The following CHMP7 variants were observed in gnomAD, a reference collection of about 807,000 sequenced individuals.
CHMP7 encodes the protein charged multivesicular body protein 7.
A neutral mutation model predicts 53.7 loss-of-function variants in CHMP7; 15 were observed. The ratio of observed to expected loss-of-function variants is 0.28; its 90% CI spans 0.19 to 0.43. The LOEUF (loss-of-function observed/expected upper bound fraction) is 0.43, where lower values mean the gene tolerates loss of function less well. CHMP7 is among the 20% of genes least tolerant of loss of function. The probability of loss-of-function intolerance (pLI) is 1.00; values close to 1 mark genes in which losing one functional copy is unlikely to be tolerated. For synonymous variants in CHMP7, 261 were observed against 228.0 expected, an observed-to-expected ratio of 1.14 and a Z score of -1.30; for missense variants, 527 against 569.4, an observed-to-expected ratio of 0.93 and a Z score of 0.76.
chr8:23,250,852 ACT>A (rs1801900179), intron 3 of CHMP7, among the ~76,000 whole-genome samples: 1 of 151,784 alleles, frequency 6.6e-6, no homozygotes, highest in East Asian at 1.9e-4. Flanking sequence ...ACTCCAGCCC[ACT>A]CTGCCTCAGA....
chr8:23,261,551 A>T lies in CHMP7; in HGVS notation c.*952A>T, dbSNP rs969583751. The stretch of plus-strand genomic sequence containing the variant: ...CATTTTGTGGCCTACTGCTCGGGGC[A>T]GGGGGGCTGAGCCAGGATGTGCAAT... On this transcript the variant is annotated 3_prime_UTR_variant, in exon 11 of 11. Transcript: ENST00000397677. The T allele has an allele frequency of 3.3e-5, 5 of 152,804 alleles. No individual in the cohort carries two copies. Among genetic ancestry groups the T allele is most frequent in the Admixed American group, 1.3e-4 (2 of 15,276 alleles). The allele number at this position is 152,804 out of a possible 1,614,324, so 9.5% of individuals were successfully genotyped here. A position where few individuals can be genotyped will look rare whatever the true frequency, so the allele number is the denominator to read the frequency against.
chr8:23,248,953 C>T (rs994319777), intron 2 of CHMP7, among the ~76,000 whole-genome samples: 3 of 152,190 alleles, frequency 2.0e-5, no homozygotes, highest in African/African-American at 7.2e-5. Context: ...TAAATTTGGC[C>T]TCTCTGCTTA....
chr8:23,252,226 C>G (rs1414970323), intron 3 of CHMP7: 2 of 81,262 alleles, frequency 2.5e-5, no homozygotes, highest in African/African-American at 3.2e-5. Context: ...GAGTTTGTCA[C>G]CCAGGCTGGA....
At chr8:23,256,789 C>CTTT (rs71210606) in intron 5 of CHMP7, 196 bp downstream of exon 5, 64 of 102,674 alleles carry the variant, frequency 6.2e-4, no homozygotes, top group South Asian at 1.2e-3. Context: ...AATGAGGCCT[C>CTTT]TTTTTTTTTT....
intron 9 of CHMP7, 168 bp from the exon 10 acceptor site, chr8:23,259,976 T>C: frequency 1.7e-6 from 1 of 602,612 alleles, no homozygotes. Flanking sequence ...TGTGGAAGAA[T>C]CATCTCTGCT....
At position 23,255,288 on chromosome 8, in the gene CHMP7, C is replaced by G. The variant is rs750536723; in HGVS notation, c.513C>G (p.Pro171=). Residue 171 remains proline (P), a synonymous_variant, in exon 4 of 11, where the codon CCC becomes CCG. Transcript: ENST00000397677. ...EEVYRLYQNS[P]LSSHPVVALS... The stretch of plus-strand genomic sequence containing the variant: ...TGTATCGTCTGTATCAGAACTCGCC[C>G]CTCTCCTCCCACCCCGTGGTGGCCC... 7 of 1,614,062 alleles carry G rather than the reference C, an allele frequency of 4.3e-6. No individual in the cohort carries two copies. In the African/African-American group the frequency reaches 6.7e-5, roughly 15 times the overall value.
rs1345590448 is a variant in CHMP7 at position 23,246,617 on chromosome 8, C to G, written c.-79C>G. 4.3e-5 allele frequency: 55 copies of G among 1,267,562 alleles called. No individual in the cohort carries two copies. The East Asian group carries it at 1.3e-3, about 31-fold the overall frequency. The allele number at this position is 1,267,562 out of a possible 1,614,324, so 78.5% of individuals were successfully genotyped here. A position where few individuals can be genotyped will look rare whatever the true frequency, so the allele number is the denominator to read the frequency against. ...GAACGAGAAGGAGGTGGTCAAGGAA[C>G]GGAAGCCGGGAGGGAACGAGGGCGG... On this transcript the variant is annotated 5_prime_UTR_variant, in exon 2 of 11. Coordinates refer to ENST00000397677, the MANE Select transcript of CHMP7 (RefSeq NM_152272.5).
At chr8:23,250,620 CTGTG>C (rs59970101) in intron 3 of CHMP7, among the ~76,000 whole-genome samples, 30,481 of 142,784 alleles carry the variant, frequency 0.21, 3,438 homozygotes, top group Admixed American at 0.31. Flanking sequence ...TGATAGGGGC[CTGTG>C]TGTGTGTGTG....
intron 3 of CHMP7, among the ~76,000 whole-genome samples, chr8:23,253,403 C>T (rs1381279530): frequency 6.6e-6 from 1 of 152,194 alleles, no homozygotes; most frequent in Admixed American, 6.5e-5. Context: ...CCTGCCTCAG[C>T]CTCTCAAGTA....
At position 23,246,812 on chromosome 8, in the gene CHMP7, G is replaced by A. The variant is rs1422403667; in HGVS notation, c.117G>A (p.Lys39=). ...TGTCCTTCCTGTTCTCCGCTTTCAA[G>A]AGGAGTCGCGAGGTGAACAGCACCG... The part of the protein sequence containing the change: ...ERMSFLFSAF[K]RSREVNSTDW... The change falls in exon 2 of 11, where the codon AAG becomes AAA. Residue 39 remains lysine, a synonymous_variant. Transcript: ENST00000397677. 4 of 1,595,614 alleles carry A rather than the reference G, an allele frequency of 2.5e-6. No individual in the cohort carries two copies. The highest frequency in any genetic ancestry group is 3.4e-6 in the Non-Finnish European group (4 of 1,171,564).
At chr8:23,249,962 C>G (rs962114193) in intron 3 of CHMP7, among the ~76,000 whole-genome samples, 3 of 152,188 alleles carry the variant, frequency 2.0e-5, no homozygotes, top group Non-Finnish European at 2.9e-5. Flanking sequence ...CAGCAACACC[C>G]TCAGCTCCTT....
chr8:23,255,805 C>T (rs1585312673), intron 4 of CHMP7, among the ~76,000 whole-genome samples: 1 of 141,082 alleles, frequency 7.1e-6, no homozygotes, highest in Non-Finnish European at 1.5e-5. Flanking sequence ...GAGTCTTGCT[C>T]TGTCGCCCAG....
rs1001088708 is a variant in CHMP7, at chr8:23,246,730, C to G, written c.35C>G (p.Ala12Gly). 6 of 1,550,386 alleles carry G rather than the reference C, an allele frequency of 3.9e-6. No individual in the cohort carries two copies. In the African/African-American group the frequency reaches 6.8e-5, roughly 18 times the overall value. The change falls in exon 2 of 11, where the codon GCC (alanine) becomes GGC (glycine). Residue 12 changes from alanine to glycine, a missense_variant. By Grantham distance (60) the Ala-to-Gly change is moderately conservative. Transcript: ENST00000397677. ...CCGGAGCGGGAGGCCGAGGCCCCAG[C>G]CGGGGGAGACCCGGCGGGCCTTCTG... ...WSPEREAEAP[A>G]GGDPAGLLPP...
rs55919917 is a variant in CHMP7 at position 23,249,876 on chromosome 8, C to T, written c.471+495C>T. ...TGGGGCCATGGTCCCGTCCTAGCCT[C>T]CTGGTCAGTCAGCCTCCTCCCGGCC... On this transcript the variant is annotated intron_variant, in intron 3 of 10. Transcript: ENST00000397677. Among the ~76,000 whole-genome samples, 767 of 152,286 alleles carry T rather than the reference C, an allele frequency of 5.0e-3. 4 individuals carry two copies. Among genetic ancestry groups the T allele is most frequent in the Non-Finnish European group, 8.4e-3 (574 of 68,022 alleles).
intron 6 of CHMP7, 115 bp from the exon 7 acceptor site, chr8:23,258,215 T>C: frequency 6.6e-7 from 1 of 1,507,082 alleles, no homozygotes; most frequent in Non-Finnish European, 9.2e-7. Context: ...CCACAGCTTA[T>C]TTTACAGATG....
chr8:23,252,195 CT>C (rs373288680), intron 3 of CHMP7, among the ~76,000 whole-genome samples: 68 of 105,300 alleles, frequency 6.5e-4, no homozygotes, highest in Admixed American at 1.4e-3. Flanking sequence ...ATTGTGTTAT[CT>C]TTTTTTTTTT....
chr8:23,252,209 T>TTTTTTTTTTTTTTTTTA (rs1801959840), intron 3 of CHMP7, among the ~76,000 whole-genome samples: 1 of 148,874 alleles, frequency 6.7e-6, no homozygotes, highest in Non-Finnish European at 1.5e-5. Flanking sequence ...TTTTTTTTTT[T>TTTTTTTTTTTTTTTTTA]GAGATGGAGT....
In CHMP7 at chr8:23,260,276, A is replaced by C; in HGVS notation, c.1253A>C (p.Asp418Ala). The C allele has an allele frequency of 2.5e-6, 4 of 1,614,222 alleles. No individual in the cohort carries two copies. The highest frequency in any genetic ancestry group is 3.4e-6 in the Non-Finnish European group (4 of 1,180,042). ...AGCGTGCCTAACCCTAGGATCTCAG[A>C]TGCTGAACTTGAAGCTGAACTTGAG... The part of the protein sequence containing the change: ...TNSVPNPRIS[D>A]AELEAELEKL... Residue 418 changes from aspartate (D) to alanine (A), a missense_variant, in exon 10 of 11, where the codon GAT becomes GCT. By Grantham distance (126) the Asp-to-Ala change is moderately radical. Coordinates refer to ENST00000397677, the MANE Select transcript of CHMP7 (RefSeq NM_152272.5).
In CHMP7 at chr8:23,246,928, A is replaced by C; in HGVS notation, c.233A>C (p.Gln78Pro). 1 of 1,564,636 alleles carries C rather than the reference A, an allele frequency of 6.4e-7. No individual in the cohort carries two copies. The highest frequency in any genetic ancestry group is 8.6e-7 in the Non-Finnish European group (1 of 1,156,092). ...GVVRLRLRDL[Q>P]EAFQRKGSVP... ...GTGCGCCTGCGTCTGCGGGACTTGCAGGAGGCCTTTCAGCGCAAGGGGAGC... is the reference window on the plus strand; with the variant it reads ...GTGCGCCTGCGTCTGCGGGACTTGCCGGAGGCCTTTCAGCGCAAGGGGAGC... Residue 78 changes from glutamine (Q) to proline (P), a missense_variant, in exon 2 of 11, where the codon CAG becomes CCG. By Grantham distance (76) the Gln-to-Pro change is moderately conservative. Transcript: ENST00000397677.
Sources: gnomAD v4.1 joint callset for allele counts (sites outside exome capture counted in the v4.1 genomes callset) on GRCh38, gnomAD v4.1.1 for gene constraint, MANE v1.5 for transcripts, NCBI Gene and HGNC (gene_info 2026-07-23, HGNC 2026-07-21) for gene names.